Variants in TAF4B observed in about 807,000 individuals in gnomAD.
TAF4B encodes transcription initiation factor TFIID subunit 4B.
A neutral mutation model predicts 86.4 loss-of-function variants in TAF4B; 38 were observed. The observed-to-expected ratio is 0.44, with a 90% CI of 0.34 to 0.58. The LOEUF is 0.58. Ranked by LOEUF, TAF4B falls within the 20% of genes least tolerant of loss-of-function variation. TAF4B has a pLI of 0.02. For synonymous variants in TAF4B, 388 were observed against 391.2 expected, an observed-to-expected ratio of 0.99 and a Z score of 0.10; for missense variants, 988 against 1,027.6, an observed-to-expected ratio of 0.96 and a Z score of 0.53.
chr18:26,275,187 G>A (rs946811934), intron 5 of TAF4B, 134 bp downstream of exon 5: 152 of 1,037,504 alleles, frequency 1.5e-4, no homozygotes, highest in Middle Eastern at 1.1e-3. Context: ...ACAGAGTCTC[G>A]CTCTGTTGCC....
At chr18:26,266,810 C>T (rs1945314) in intron 2 of TAF4B, 53,433 of 151,834 alleles carry the variant, frequency 0.35, 11,439 homozygotes, top group East Asian at 0.8. Context: ...TGCAGTGAGC[C>T]GAGATCGTGC....
chr18:26,346,895 ATATATG>A (rs1357145675), intron 13 of TAF4B, among the ~76,000 whole-genome samples: 504 of 9,878 alleles, frequency 0.051, 129 homozygotes, highest in Admixed American at 0.088. Flanking sequence ...ATATATATAT[ATATATG>A]TGTGTGTATA....
intron 14 of TAF4B, among the ~76,000 whole-genome samples, chr18:26,374,221 A>C (rs1025939185): frequency 2.0e-5 from 3 of 152,042 alleles, no homozygotes; most frequent in African/African-American, 7.2e-5. Context: ...TCTTCATATC[A>C]CTTTAATTAT....
intron 13 of TAF4B, among the ~76,000 whole-genome samples, chr18:26,345,617 T>A (rs1442810464): frequency 6.6e-6 from 1 of 152,176 alleles, no homozygotes; most frequent in African/African-American, 2.4e-5. Context: ...GAAACTACAC[T>A]ACTGTGTCCA....
At chr18:26,238,325 G>A (rs1361953902) in intron 1 of TAF4B, among the ~76,000 whole-genome samples, 1 of 152,210 alleles carries the variant, frequency 6.6e-6, no homozygotes, top group African/African-American at 2.4e-5. Context: ...AGGGTTGGAA[G>A]AGTGATGCCT....
At chr18:26,293,598 A>AT in intron 9 of TAF4B, 67 bp downstream of exon 9, 1 of 951,520 alleles carries the variant, frequency 1.1e-6, no homozygotes, top group Non-Finnish European at 1.5e-6. Context: ...GAGATGACAG[A>AT]ATAATACCTT....
At chr18:26,272,939 T>C (rs1464627324) in intron 3 of TAF4B, among the ~76,000 whole-genome samples, 9 of 152,186 alleles carry the variant, frequency 5.9e-5, no homozygotes, top group Admixed American at 5.9e-4. Flanking sequence ...TTTAATTTTA[T>C]CTCTTTTGTT....
intron 14 of TAF4B, among the ~76,000 whole-genome samples, chr18:26,379,365 A>G (rs1470758812): frequency 2.0e-5 from 3 of 151,886 alleles, no homozygotes; most frequent in Non-Finnish European, 4.4e-5. Flanking sequence ...ATCTATCTTG[A>G]TTTAGTATTT....
chr18:26,325,422 G>C (rs1340909584), intron 11 of TAF4B, among the ~76,000 whole-genome samples: 2 of 152,124 alleles, frequency 1.3e-5, no homozygotes, highest in Admixed American at 6.6e-5. Context: ...TGGGTATATA[G>C]GAAGGAACAT....
At chr18:26,302,345 CT>C (rs2056742967) in intron 9 of TAF4B, among the ~76,000 whole-genome samples, 3 of 130,594 alleles carry the variant, frequency 2.3e-5, no homozygotes. Flanking sequence ...ATATTGTCTT[CT>C]AAAAGTTTTG....
chr18:26,238,504 T>A (rs1318696112), intron 1 of TAF4B, among the ~76,000 whole-genome samples: 4 of 152,200 alleles, frequency 2.6e-5, no homozygotes, highest in Non-Finnish European at 1.5e-5. Context: ...TATGTCTGAT[T>A]GGTGAGCCCG....
chr18:26,322,860 G>A (rs888565991), intron 11 of TAF4B, among the ~76,000 whole-genome samples: 4 of 151,702 alleles, frequency 2.6e-5, no homozygotes, highest in Non-Finnish European at 4.4e-5. Flanking sequence ...CTTTTATAAT[G>A]TAGGCGTTTA....
intron 1 of TAF4B, among the ~76,000 whole-genome samples, chr18:26,245,268 A>C (rs187713153): frequency 6.6e-6 from 1 of 152,168 alleles, no homozygotes; most frequent in East Asian, 1.9e-4. Flanking sequence ...ATGTGTCCAG[A>C]GTTGGTTCCT....
intron 1 of TAF4B, among the ~76,000 whole-genome samples, chr18:26,242,500 C>T (rs2055855363): frequency 6.6e-6 from 1 of 152,146 alleles, no homozygotes; most frequent in East Asian, 1.9e-4. Flanking sequence ...GATGGGTCTC[C>T]TGAATACAGC....
At chr18:26,280,092 T>C (rs1436228736) in intron 5 of TAF4B, among the ~76,000 whole-genome samples, 3 of 151,564 alleles carry the variant, frequency 2.0e-5, no homozygotes, top group Non-Finnish European at 2.9e-5. Context: ...TACATGGTGC[T>C]GGGATAACTC....
intron 6 of TAF4B, among the ~76,000 whole-genome samples, chr18:26,285,222 G>GTTTTTTTTTTTTGGTTTTTTTTTTTTT (rs2056501259): frequency 2.2e-5 from 1 of 45,660 alleles, no homozygotes; most frequent in Non-Finnish European, 4.5e-5. Flanking sequence ...TTTTTTTTTT[G>GTTTTTTTTTTTTGGTTTTTTTTTTTTT]TTTTTTTTTT....
chr18:26,317,028 T>A (rs1038584318), intron 10 of TAF4B, among the ~76,000 whole-genome samples: 2 of 53,810 alleles, frequency 3.7e-5, no homozygotes, highest in African/African-American at 7.0e-5. Context: ...CCCTTCCGAT[T>A]TTTTTTTTTT....
In TAF4B at chr18:26,372,278, A is replaced by G. The variant is rs193290781; in HGVS notation, c.2421+14484A>G. Among the ~76,000 whole-genome samples, 12 of 152,326 alleles carry G rather than the reference A, an allele frequency of 7.9e-5. No individual in the cohort carries two copies. In the East Asian group the frequency reaches 1.5e-3, roughly 20 times the overall value. On this transcript the variant is annotated intron_variant, in intron 14 of 14. Transcript: ENST00000269142. ...CACCATAAAGGATTTGAAAAATGCA[A>G]GAGTGGTGATTCTTATTACATTCCC...
intron 14 of TAF4B, among the ~76,000 whole-genome samples, chr18:26,363,213 C>A (rs1279562664): frequency 1.3e-5 from 2 of 151,786 alleles, no homozygotes; most frequent in African/African-American, 4.8e-5. Flanking sequence ...ATTTGCTGAA[C>A]ACTAGTTTCC....
Sources: gnomAD v4.1 joint callset for allele counts (sites outside exome capture counted in the v4.1 genomes callset) on GRCh38, gnomAD v4.1.1 for gene constraint, MANE v1.5 for transcripts, NCBI Gene and HGNC (gene_info 2026-07-23, HGNC 2026-07-21) for gene names.